The following C8orf34 variants were observed in gnomAD, a reference collection of about 807,000 sequenced individuals.
C8orf34 encodes the protein uncharacterized protein C8orf34.
C8orf34 carries 65 observed loss-of-function variants against 68.3 expected under a neutral mutation model. That is an observed-to-expected ratio of 0.95 (90% CI 0.78 to 1.17). The LOEUF (loss-of-function observed/expected upper bound fraction) is 1.17, where lower values mean the gene tolerates loss of function less well. Among genes scored for constraint, C8orf34 ranks in the 50% most tolerant of loss-of-function variants. The pLI, the probability that C8orf34 is intolerant of heterozygous loss-of-function variation, is 0.00. For missense variants in C8orf34, 664 were observed against 655.4 expected, an observed-to-expected ratio of 1.01 and a Z score of -0.14; for synonymous variants, 244 against 241.2, an observed-to-expected ratio of 1.01 and a Z score of -0.11.
At chr8:68,403,326 C>A (rs1042770714) in intron 1 of C8orf34, among the ~76,000 whole-genome samples, 1 of 152,130 alleles carries the variant, frequency 6.6e-6, no homozygotes, top group East Asian at 1.9e-4. Flanking sequence ...TCTCCCATCT[C>A]TTGGAAACCT....
At chr8:68,746,222 A>G (rs1395155127) in intron 10 of C8orf34, among the ~76,000 whole-genome samples, 1 of 151,824 alleles carries the variant, frequency 6.6e-6, no homozygotes, top group Non-Finnish European at 1.5e-5. Flanking sequence ...AATCTCTCGG[A>G]CACATTCAAA....
At chr8:68,681,376 G>A (rs112793190) in intron 8 of C8orf34, among the ~76,000 whole-genome samples, 10,865 of 152,146 alleles carry the variant, frequency 0.071, 563 homozygotes, top group African/African-American at 0.14. Flanking sequence ...TTCCTCTGCC[G>A]TGGCTCCAGC....
At chr8:68,580,449 G>A (rs1817029628) in intron 7 of C8orf34, among the ~76,000 whole-genome samples, 1 of 151,950 alleles carries the variant, frequency 6.6e-6, no homozygotes, top group Non-Finnish European at 1.5e-5. Context: ...TAACTTAATT[G>A]GAAGTCATTT....
In C8orf34 at chr8:68,761,259, A is replaced by G. The variant is rs569281765; in HGVS notation, c.1405-15140A>G. Among the ~76,000 whole-genome samples, 8 of 152,320 alleles carry G rather than the reference A, an allele frequency of 5.3e-5. 1 individual carries two copies. Among genetic ancestry groups the G allele is most frequent in the Admixed American group, 3.9e-4 (6 of 15,292 alleles). ...TTTAGAACTTTAGGAAGAGACCACA[A>G]CAGAAATTTGGTATCAGAATATGGA... On this transcript the variant is annotated intron_variant, in intron 10 of 13. Coordinates refer to ENST00000518698, the MANE Select transcript of C8orf34 (RefSeq NM_052958.4).
At position 68,656,145 on chromosome 8, in the gene C8orf34, T is replaced by A. The variant is rs1287900028; in HGVS notation, c.1241+15634T>A. Among the ~76,000 whole-genome samples the A allele has an allele frequency of 2.6e-5, 4 of 152,146 alleles. No individual in the cohort carries two copies. In the East Asian group the frequency reaches 7.7e-4, roughly 29 times the overall value. On this transcript the variant is annotated intron_variant, in intron 8 of 13. Transcript: ENST00000518698. Reference sequence around the variant, plus strand: ...CAGGTATTGCATATGAGAGATGAGATCTCTAACTAATCTTTGGTCATGGAC... The same window carrying A: ...CAGGTATTGCATATGAGAGATGAGAACTCTAACTAATCTTTGGTCATGGAC...
chr8:68,762,821 A>T (rs886617836), intron 10 of C8orf34, among the ~76,000 whole-genome samples: 4 of 152,204 alleles, frequency 2.6e-5, no homozygotes, highest in African/African-American at 9.6e-5. Flanking sequence ...ATTAACAGAG[A>T]AATTTCTTCC....
intron 8 of C8orf34, among the ~76,000 whole-genome samples, chr8:68,694,052 G>A (rs553099614): frequency 5.6e-4 from 85 of 152,104 alleles, no homozygotes; most frequent in Non-Finnish European, 8.2e-4. Flanking sequence ...TGGATGCTCC[G>A]AAAAATATAA....
rs551045154 is a variant in C8orf34, at chr8:68,336,255, T to C, written c.327+4916T>C. Among the ~76,000 whole-genome samples the C allele has an allele frequency of 2.0e-5, 3 of 152,000 alleles. No individual in the cohort carries two copies. In the East Asian group the frequency reaches 5.8e-4, roughly 29 times the overall value. On this transcript the variant is annotated intron_variant, in intron 1 of 13. Coordinates refer to ENST00000518698, the MANE Select transcript of C8orf34 (RefSeq NM_052958.4). ...CAAAGAGAACAGCTAAGACTACAGC[T>C]AAGACCCATATGACAAGGAGAGCTA...
rs1818735811 is a variant in C8orf34, at chr8:68,632,976, T to C, written c.1106-7400T>C. Among the ~76,000 whole-genome samples the C allele has an allele frequency of 1.3e-5, 2 of 152,186 alleles. 1 individual carries two copies. The highest frequency in any genetic ancestry group is 4.1e-4 in the South Asian group (2 of 4,834). On this transcript the variant is annotated intron_variant, in intron 7 of 13. Transcript: ENST00000518698. ...CTGCTACAGCAGTGCAGGTATTGGC[T>C]ATTGCTACCCAGAAGTTAGAAAACT...
intron 12 of C8orf34, chr8:68,791,555 CAAAT>C (rs1563671949): frequency 6.6e-6 from 1 of 152,130 alleles, no homozygotes; most frequent in Non-Finnish European, 1.5e-5. Context: ...TTTAAAAACA[CAAAT>C]AAATAAGCTA....
intron 7 of C8orf34, among the ~76,000 whole-genome samples, chr8:68,541,912 G>T (rs955556514): frequency 6.6e-6 from 1 of 152,150 alleles, no homozygotes; most frequent in African/African-American, 2.4e-5. Flanking sequence ...TAAACAATTT[G>T]AAATATTCAA....
At chr8:68,715,666 A>AT (rs201110217) in intron 9 of C8orf34, among the ~76,000 whole-genome samples, 4 of 151,762 alleles carry the variant, frequency 2.6e-5, no homozygotes, top group African/African-American at 9.7e-5. Context: ...AAAAAAAAAA[A>AT]AGATGTTGGT....
intron 7 of C8orf34, among the ~76,000 whole-genome samples, chr8:68,624,524 G>A (rs1818479659): frequency 6.6e-6 from 1 of 152,146 alleles, no homozygotes; most frequent in South Asian, 2.1e-4. Context: ...ATACTTGGGT[G>A]CCTTAGGCAA....
chr8:68,780,441 A>G (rs1439368724), intron 11 of C8orf34, among the ~76,000 whole-genome samples: 1 of 152,146 alleles, frequency 6.6e-6, no homozygotes, highest in Non-Finnish European at 1.5e-5. Context: ...CAAAATAGTC[A>G]TGTACATTTA....
In C8orf34 at chr8:68,347,554, C is replaced by T. The variant is rs146712619; in HGVS notation, c.327+16215C>T. Reference sequence around the variant, plus strand: ...AGAATCACCACACTGCTTTCCACAACGGTTGAACTAATTTACACTCCCAAC... The same window carrying T: ...AGAATCACCACACTGCTTTCCACAATGGTTGAACTAATTTACACTCCCAAC... On this transcript the variant is annotated intron_variant, in intron 1 of 13. Transcript: ENST00000518698. 4.4e-3 allele frequency among the ~76,000 whole-genome samples: 674 copies of T among 152,116 alleles called. 4 individuals carry two copies. Among genetic ancestry groups the T allele is most frequent in the African/African-American group, 0.015 (630 of 41,544 alleles).
In C8orf34 at chr8:68,818,552, A is replaced by G. The variant is rs1824888290; in HGVS notation, c.*306A>G. Reference sequence around the variant, plus strand: ...TATTTGATATATTAAATATTGCCTGATTCAAATAACTTTGCTTAAAATTTT... The same window carrying G: ...TATTTGATATATTAAATATTGCCTGGTTCAAATAACTTTGCTTAAAATTTT... On this transcript the variant is annotated 3_prime_UTR_variant, in exon 14 of 14. Coordinates refer to ENST00000518698, the MANE Select transcript of C8orf34 (RefSeq NM_052958.4). The G allele has an allele frequency of 3.8e-6, 1 of 265,954 alleles. No individual in the cohort carries two copies. Among genetic ancestry groups the G allele is most frequent in the Non-Finnish European group, 7.0e-6 (1 of 143,782 alleles). 16.5% of individuals were successfully genotyped at this position (265,954 alleles called of 1,614,324 possible). A position where few individuals can be genotyped will look rare whatever the true frequency, so the allele number is the denominator to read the frequency against.
At chr8:68,763,800 C>T (rs1039956371) in intron 10 of C8orf34, among the ~76,000 whole-genome samples, 41 of 152,140 alleles carry the variant, frequency 2.7e-4, no homozygotes, top group Non-Finnish European at 1.5e-4. Flanking sequence ...GGTACCAAGC[C>T]CTGCACTAAG....
chr8:68,600,543 C>A (rs1817669740), intron 7 of C8orf34, among the ~76,000 whole-genome samples: 1 of 151,988 alleles, frequency 6.6e-6, no homozygotes, highest in African/African-American at 2.4e-5. Context: ...ATTTTCTTTG[C>A]CTGAGAATGT....
At chr8:68,737,103 C>T (rs1455062827) in intron 10 of C8orf34, among the ~76,000 whole-genome samples, 1 of 152,050 alleles carries the variant, frequency 6.6e-6, no homozygotes, top group African/African-American at 2.4e-5. Flanking sequence ...GCTTTGGAAA[C>T]TATAAGGTCT....
Sources: allele counts gnomAD v4.1 joint callset (sites outside exome capture counted in the v4.1 genomes callset), GRCh38; gene constraint gnomAD v4.1.1; transcripts MANE v1.5; gene names NCBI Gene and HGNC (gene_info 2026-07-23, HGNC 2026-07-21).